EVI5: variants seen among roughly 807,000 people sequenced by gnomAD.
EVI5 encodes ecotropic viral integration site 5.
In EVI5, 73 loss-of-function variants were observed where a neutral mutation model predicts 112.0. The observed-to-expected ratio is 0.65, with a 90% CI of 0.54 to 0.79. The LOEUF (loss-of-function observed/expected upper bound fraction) is 0.79, where lower values mean the gene tolerates loss of function less well. EVI5 is among the 30% of genes least tolerant of loss of function. EVI5 has a pLI of 0.00. For missense variants in EVI5, 900 were observed against 968.8 expected (o/e 0.93, Z 0.94); for synonymous variants, 305 against 319.9 (o/e 0.95, Z 0.50).
At chr1:92,760,487 A>G (rs943378012) in intron 1 of EVI5, among the ~76,000 whole-genome samples, 6 of 151,942 alleles carry the variant, frequency 3.9e-5, no homozygotes, top group Admixed American at 1.3e-4. Flanking sequence ...ATCCCAGCAC[A>G]CTGGGAGGCT....
At chr1:92,530,152 C>T (rs1053867431) in intron 19 of EVI5, among the ~76,000 whole-genome samples, 4 of 152,262 alleles carry the variant, frequency 2.6e-5, no homozygotes, top group African/African-American at 9.6e-5. Context: ...CAAGAGCAGG[C>T]ACATGAACTA....
rs745392747 is a variant in EVI5 at position 92,525,267 on chromosome 1, C to CTTTTTT, written c.2167-11303_2167-11298dup. On this transcript the variant is annotated intron_variant, in intron 19 of 19. Coordinates refer to ENST00000684568, the MANE Select transcript of EVI5 (RefSeq NM_001350197.2). ...TCAGAATCAGTGCCAATGACAATGC[C>CTTTTTT]TTTTTTTTTTTTTTTTTTTTGAGAC... 1.3e-3 allele frequency among the ~76,000 whole-genome samples: 136 copies of CTTTTTT among 104,370 alleles called. 6 individuals are homozygous for CTTTTTT. The highest frequency in any genetic ancestry group is 4.8e-3 in the African/African-American group (124 of 26,024). 68.5% of individuals were successfully genotyped at this position (104,370 alleles called of 152,430 possible).
chr1:92,656,162 C>CA (rs955651698), intron 13 of EVI5, among the ~76,000 whole-genome samples: 2 of 152,090 alleles, frequency 1.3e-5, no homozygotes. Flanking sequence ...AAACAAGTCT[C>CA]AATAAATTTT....
chr1:92,535,806 G>A (rs1300937291), intron 19 of EVI5, among the ~76,000 whole-genome samples: 1 of 152,078 alleles, frequency 6.6e-6, no homozygotes, highest in Non-Finnish European at 1.5e-5. Context: ...AATACCTAAT[G>A]TAGATGACGG....
At chr1:92,757,440 T>C (rs1339106804) in intron 1 of EVI5, among the ~76,000 whole-genome samples, 3 of 152,074 alleles carry the variant, frequency 2.0e-5, no homozygotes, top group Non-Finnish European at 4.4e-5. Context: ...CTTTGTTCTC[T>C]AGAAGAAATT....
At chr1:92,622,046 G>A (rs1283484585) in intron 16 of EVI5, among the ~76,000 whole-genome samples, 1 of 151,972 alleles carries the variant, frequency 6.6e-6, no homozygotes, top group Non-Finnish European at 1.5e-5. Context: ...CTTGAACCCG[G>A]GAGGCAGAGG....
intron 1 of EVI5, among the ~76,000 whole-genome samples, chr1:92,777,922 T>C (rs1409910853): frequency 6.6e-6 from 1 of 151,534 alleles, no homozygotes. Context: ...TTTTTTTTTT[T>C]TTTTGTGACG....
chr1:92,511,898 ACT>A lies in EVI5; in HGVS notation c.*1756_*1757del, dbSNP rs887233359. Reference sequence around the variant, plus strand: ...ACAGAAAACTACTTTTATCTCTTCTACTCTATTTCATATTTTTTTTTTTGCCG... The same window carrying A: ...ACAGAAAACTACTTTTATCTCTTCTACTATTTCATATTTTTTTTTTTGCCG... On this transcript the variant is annotated 3_prime_UTR_variant, in exon 20 of 20. Transcript: ENST00000684568. 6.6e-5 allele frequency: 10 copies of A among 150,854 alleles called. No homozygotes were observed. 9.3% of individuals were successfully genotyped at this position (150,854 alleles called of 1,614,324 possible).
At chr1:92,585,701 A>C (rs1672665804) in intron 18 of EVI5, among the ~76,000 whole-genome samples, 1 of 152,200 alleles carries the variant, frequency 6.6e-6, no homozygotes, top group African/African-American at 2.4e-5. Context: ...AAAATTGAGA[A>C]GATAGAGAGT....
At chr1:92,664,685 T>C (rs1664581986) in intron 11 of EVI5, among the ~76,000 whole-genome samples, 1 of 152,232 alleles carries the variant, frequency 6.6e-6, no homozygotes, top group African/African-American at 2.4e-5. Flanking sequence ...ATGATGTATC[T>C]GCAATTATTA....
chr1:92,587,538 AAGGTTTT>A (rs1280643798), intron 18 of EVI5, among the ~76,000 whole-genome samples: 42 of 152,158 alleles, frequency 2.8e-4, no homozygotes, highest in African/African-American at 9.4e-4. Context: ...GTTAATGGTA[AAGGTTTT>A]ATCACTTCCT....
At chr1:92,772,772 G>A (rs1219915846) in intron 1 of EVI5, among the ~76,000 whole-genome samples, 1 of 152,002 alleles carries the variant, frequency 6.6e-6, no homozygotes, top group Non-Finnish European at 1.5e-5. Flanking sequence ...TAGGCATGGT[G>A]TCAGGCACCT....
intron 19 of EVI5, among the ~76,000 whole-genome samples, chr1:92,529,202 G>A (rs1662433219): frequency 6.6e-6 from 1 of 152,098 alleles, no homozygotes; most frequent in Non-Finnish European, 1.5e-5. Flanking sequence ...TTCTTTCAAA[G>A]TTTAGAAATA....
At chr1:92,592,013 G>A (rs1362722824) in intron 18 of EVI5, among the ~76,000 whole-genome samples, 2 of 152,232 alleles carry the variant, frequency 1.3e-5, no homozygotes, top group African/African-American at 2.4e-5. Context: ...GGAGGCCAAG[G>A]CGGGCGGTTC....
rs56412396 is a variant in EVI5 at position 92,669,547 on chromosome 1, C to CAA, written c.1159-3557_1159-3556dup. 7.1e-4 allele frequency among the ~76,000 whole-genome samples: 37 copies of CAA among 51,820 alleles called. 10 individuals carry two copies. Among genetic ancestry groups the CAA allele is most frequent in the South Asian group, 1.2e-3 (1 of 836 alleles). The allele number at this position is 51,820 out of a possible 152,430, so 34.0% of individuals were successfully genotyped here. On this transcript the variant is annotated intron_variant, in intron 10 of 19. Transcript: ENST00000684568. ...TGGGCAACGGAGCAAGGCTCTGTCT[C>CAA]AAAAAAAAAAAAAATCACTGGGAAA...
In EVI5 at chr1:92,663,729, T is replaced by G. The variant is rs745525512; in HGVS notation, c.1213-277A>C. 3.0e-4 allele frequency among the ~76,000 whole-genome samples: 45 copies of G among 152,240 alleles called. 1 individual carries two copies. Among genetic ancestry groups the G allele is most frequent in the Middle Eastern group, 3.4e-3 (1 of 294 alleles). Reference sequence around the variant, plus strand: ...TTCATTACCTGGAACAAGCAAATTTTTTTGTTTGTTTGTTTTGTTTTTTTA... The same window carrying G: ...TTCATTACCTGGAACAAGCAAATTTGTTTGTTTGTTTGTTTTGTTTTTTTA... On this transcript the variant is annotated intron_variant, in intron 11 of 19. Transcript: ENST00000684568.
At chr1:92,784,278 G>C in intron 1 of EVI5, 1 of 984,384 alleles carries the variant, frequency 1.0e-6, no homozygotes, top group South Asian at 4.7e-5. Context: ...TTAATTTGAG[G>C]CTTGCCCCAC....
intron 18 of EVI5, among the ~76,000 whole-genome samples, chr1:92,578,822 C>T (rs1482533494): frequency 6.6e-6 from 1 of 152,068 alleles, no homozygotes; most frequent in African/African-American, 2.4e-5. Context: ...AGGTTTCACT[C>T]TTAGTCCCAT....
intron 19 of EVI5, among the ~76,000 whole-genome samples, chr1:92,560,329 A>G (rs908104180): frequency 1.8e-4 from 27 of 152,362 alleles, no homozygotes; most frequent in Admixed American, 1.6e-3. Flanking sequence ...CCATTTATAT[A>G]AAGTTCAAAA....
Sources: allele counts gnomAD v4.1 joint callset (sites outside exome capture counted in the v4.1 genomes callset), GRCh38; gene constraint gnomAD v4.1.1; transcripts MANE v1.5; gene names NCBI Gene and HGNC (gene_info 2026-07-23, HGNC 2026-07-21).